ZNF567: variants seen among roughly 807,000 people sequenced by gnomAD.
The protein encoded by ZNF567 is zinc finger protein 567.
ZNF567 carries 36 observed loss-of-function variants against 53.9 expected under a neutral mutation model. The ratio of observed to expected loss-of-function variants is 0.67; its 90% CI spans 0.51 to 0.88. The LOEUF is 0.88. Ranked by LOEUF, ZNF567 falls within the 40% of genes least tolerant of loss-of-function variation. The probability of loss-of-function intolerance (pLI) is 0.00; values close to 1 mark genes in which losing one functional copy is unlikely to be tolerated. For missense variants in ZNF567, 619 were observed against 764.7 expected (o/e 0.81, Z 2.25); for synonymous variants, 224 against 260.4 (o/e 0.86, Z 1.35).
Position 36,719,490 on chromosome 19 carries a change from A to G in ZNF567, c.766A>G (p.Asn256Asp). Reference protein sequence around the residue: ...ATNIEKKHTCNECGKSFCRKS... With the variant: ...ATNIEKKHTCDECGKSFCRKS... ...CAATATTGAAAAAAAACATACATGC[A>G]ATGAATGTGGGAAATCTTTCTGCAG... is the stretch of plus-strand genomic sequence containing the variant. Residue 256 changes from asparagine (N) to aspartate (D), a missense_variant, in exon 6 of 6, where the codon AAT becomes GAT. Physicochemically the swap from Asn to Asp is conservative, Grantham distance 23 (BLOSUM62 1). Coordinates refer to ENST00000682579, the MANE Select transcript of ZNF567 (RefSeq NM_001322917.1). The G allele has an allele frequency of 6.2e-7, 1 of 1,612,332 alleles. No individual in the cohort carries two copies. Among genetic ancestry groups the G allele is most frequent in the Non-Finnish European group, 8.5e-7 (1 of 1,179,486 alleles).
At chr19:36,715,607 G>A (rs1163026408) in intron 5 of ZNF567, among the ~76,000 whole-genome samples, 3 of 149,266 alleles carry the variant, frequency 2.0e-5, no homozygotes, top group Non-Finnish European at 4.4e-5. Flanking sequence ...TCGACTCACC[G>A]CAACCTCCGG....
intron 3 of ZNF567, chr19:36,712,125 C>T (rs1248313181): frequency 5.5e-6 from 2 of 360,990 alleles, no homozygotes; most frequent in Non-Finnish European, 1.1e-5. Context: ...GGGCTCACTG[C>T]ATCCTCCGCC....
rs766623101 is a variant in ZNF567 at position 36,720,305 on chromosome 19, T to C, written c.1581T>C (p.His527=). ...KTNLNLHQRI[H]TGEKPYVCNE... is the part of the protein sequence containing the mutation. ...ATCTCAATCTACATCAGAGAATTCA[T>C]ACAGGGGAGAAACCCTATGTTTGTA... The change falls in exon 6 of 6, where the codon CAT becomes CAC. Residue 527 remains histidine (H), a synonymous_variant. Coordinates refer to ENST00000682579, the MANE Select transcript of ZNF567 (RefSeq NM_001322917.1). 117 of 1,614,056 alleles carry C rather than the reference T, an allele frequency of 7.2e-5. 1 individual carries two copies. In the Middle Eastern group the frequency reaches 1.2e-3, roughly 16 times the overall value.
At chr19:36,692,006 T>G (rs2038642110) in intron 2 of ZNF567, among the ~76,000 whole-genome samples, 1 of 152,224 alleles carries the variant, frequency 6.6e-6, no homozygotes, top group Non-Finnish European at 1.5e-5. Flanking sequence ...TAGTATAAAG[T>G]AGTATTCCAT....
chr19:36,693,662 GT>G (rs2038734043), intron 2 of ZNF567, among the ~76,000 whole-genome samples: 1 of 152,168 alleles, frequency 6.6e-6, no homozygotes, highest in Admixed American at 6.6e-5. Flanking sequence ...ATACTAAGCT[GT>G]TTTAAAACTG....
Position 36,719,354 on chromosome 19 carries a change from T to G in ZNF567, c.630T>G (p.Phe210Leu), listed in dbSNP as rs1391337556. 8 of 1,613,822 alleles carry G rather than the reference T, an allele frequency of 5.0e-6. No homozygotes were observed. Among genetic ancestry groups the G allele is most frequent in the Non-Finnish European group, 5.9e-6 (7 of 1,179,898 alleles). ...AAACGGAAACTCCAGCACAGTCATT[T>G]GGATATAATGACTGTGAGAAATCAT... The part of the protein sequence containing the change: ...YQKTETPAQS[F>L]GYNDCEKSFL... The change falls in exon 6 of 6, where the codon TTT becomes TTG. Residue 210 changes from phenylalanine (F) to leucine (L), a missense_variant. By Grantham distance (22) the Phe-to-Leu change is conservative (BLOSUM62 0). Transcript: ENST00000682579.
Position 36,720,934 on chromosome 19 carries a change from A to G in ZNF567, c.*266A>G, listed in dbSNP as rs1455150195. On this transcript the variant is annotated 3_prime_UTR_variant, in exon 6 of 6. Coordinates refer to ENST00000682579, the MANE Select transcript of ZNF567 (RefSeq NM_001322917.1). ...TAGTTTATTTTTTAAAAATACTTAT[A>G]TAATACATGCAGAGACAAGATACAC... 1 of 233,050 alleles carries G rather than the reference A, an allele frequency of 4.3e-6. No homozygotes were observed. The highest frequency in any genetic ancestry group is 2.3e-5 in the African/African-American group (1 of 44,104). The allele number at this position is 233,050 out of a possible 1,614,324, so 14.4% of individuals were successfully genotyped here.
intron 2 of ZNF567, among the ~76,000 whole-genome samples, chr19:36,694,359 C>G (rs116775674): frequency 6.6e-6 from 1 of 152,234 alleles, no homozygotes; most frequent in African/African-American, 2.4e-5. Flanking sequence ...GCTTCTTGTT[C>G]ATGGTAAGAA....
intron 3 of ZNF567, among the ~76,000 whole-genome samples, chr19:36,705,400 G>GA (rs1237224102): frequency 1.3e-5 from 2 of 152,036 alleles, no homozygotes; most frequent in Admixed American, 1.3e-4. Flanking sequence ...TTATTCAGTT[G>GA]AAAATATTTT....
At chr19:36,677,510 T>G in the ZNF567 span, among the ~76,000 whole-genome samples, 1 of 147,626 alleles carries the variant, frequency 6.8e-6, no homozygotes, top group Non-Finnish European at 1.5e-5. Flanking sequence ...TTCATGCCTT[T>G]AATCCCAGCA....
chr19:36,697,408 C>T lies in ZNF567; in HGVS notation c.9+2532C>T, dbSNP rs8102705. Among the ~76,000 whole-genome samples the T allele has an allele frequency of 4.6e-3, 700 of 151,936 alleles. 7 individuals carry two copies. Among genetic ancestry groups the T allele is most frequent in the African/African-American group, 0.016 (665 of 41,452 alleles). The stretch of plus-strand genomic sequence containing the variant: ...GGATTTTCTATATGGACAATCCTGT[C>T]ATATGTGAATAATGACTGTTTTCTT... On this transcript the variant is annotated intron_variant, in intron 3 of 5. Transcript: ENST00000682579.
chr19:36,725,644 T>G (rs1057019110), downstream of ZNF567, among the ~76,000 whole-genome samples: 2 of 152,158 alleles, frequency 1.3e-5, no homozygotes, highest in Non-Finnish European at 2.9e-5. Flanking sequence ...CAATTACTAC[T>G]TTAAGTCCTT....
intron 2 of ZNF567, among the ~76,000 whole-genome samples, chr19:36,693,920 C>T (rs1009742958): frequency 1.3e-5 from 2 of 152,170 alleles, no homozygotes; most frequent in South Asian, 2.1e-4. Context: ...TATTTGGGGC[C>T]GGGCACAATG....
chr19:36,695,408 A>G (rs1489419026), intron 3 of ZNF567, among the ~76,000 whole-genome samples: 1 of 152,104 alleles, frequency 6.6e-6, no homozygotes, highest in Non-Finnish European at 1.5e-5. Context: ...AGGCGCCTGT[A>G]ATCCCAGCCA....
intron 3 of ZNF567, among the ~76,000 whole-genome samples, chr19:36,699,329 G>A (rs1304491759): frequency 1.3e-5 from 2 of 152,186 alleles, no homozygotes; most frequent in East Asian, 3.9e-4. Context: ...CTGTAACCTT[G>A]TAGTATAGTT....
the ZNF567 span, among the ~76,000 whole-genome samples, chr19:36,679,009 G>C: frequency 7.2e-5 from 11 of 151,906 alleles, no homozygotes; most frequent in African/African-American, 2.7e-4. Flanking sequence ...ATGAGGGGCC[G>C]AGCGCGGTGG....
upstream of ZNF567, among the ~76,000 whole-genome samples, chr19:36,683,649 T>C (rs1363908163): frequency 2.0e-5 from 3 of 152,110 alleles, no homozygotes; most frequent in African/African-American, 4.8e-5. Flanking sequence ...CTGGCCAACA[T>C]GGTGAAACCC....
upstream of ZNF567, chr19:36,686,745 C>T (rs2038282587): frequency 6.6e-6 from 1 of 152,234 alleles, no homozygotes; most frequent in African/African-American, 2.4e-5. Flanking sequence ...AGATTTTATT[C>T]CACCACTCGA....
intron 3 of ZNF567, among the ~76,000 whole-genome samples, chr19:36,704,603 A>G (rs985558845): frequency 1.8e-4 from 28 of 152,070 alleles, no homozygotes; most frequent in African/African-American, 6.0e-4. Flanking sequence ...ATTGTTTTAT[A>G]TATTAAATAT....
Sources: allele counts gnomAD v4.1 joint callset (sites outside exome capture counted in the v4.1 genomes callset), GRCh38; gene constraint gnomAD v4.1.1; transcripts MANE v1.5; gene names NCBI Gene and HGNC (gene_info 2026-07-23, HGNC 2026-07-21).